The following ARHGEF28 variants were observed in gnomAD, a reference collection of about 807,000 sequenced individuals.
ARHGEF28 encodes the protein 190 kDa guanine nucleotide exchange factor.
In ARHGEF28, 152 loss-of-function variants were observed where a neutral mutation model predicts 206.6. The ratio of observed to expected loss-of-function variants is 0.74; its 90% confidence interval spans 0.64 to 0.84. ARHGEF28 has a LOEUF of 0.84. ARHGEF28 is among the 40% of genes least tolerant of loss of function. The pLI is 0.00. For synonymous variants in ARHGEF28, 763 were observed against 776.4 expected (o/e 0.98, Z 0.29); for missense variants, 2,028 against 2,073.2 (o/e 0.98, Z 0.42).
intron 35 of ARHGEF28, among the ~76,000 whole-genome samples, chr5:73,926,589 T>C (rs1763824768): frequency 6.6e-6 from 1 of 152,172 alleles, no homozygotes; most frequent in Admixed American, 6.5e-5. Context: ...CCCTTTGCAA[T>C]GGCCACAGAC....
chr5:73,926,410 A>G (rs759003414), intron 35 of ARHGEF28, among the ~76,000 whole-genome samples: 7 of 152,146 alleles, frequency 4.6e-5, no homozygotes, highest in Non-Finnish European at 8.8e-5. Context: ...GGTCCTGATC[A>G]CCAGTATAGC....
intron 4 of ARHGEF28, among the ~76,000 whole-genome samples, chr5:73,757,136 G>C (rs6880187): frequency 0.35 from 52,462 of 151,902 alleles, 10,200 homozygotes; most frequent in African/African-American, 0.53. Flanking sequence ...TGTGCTTATA[G>C]GTCTTTTTTA....
intron 9 of ARHGEF28, chr5:73,828,126 A>C (rs1236317026): frequency 6.6e-6 from 1 of 152,238 alleles, no homozygotes; most frequent in Non-Finnish European, 1.5e-5. Flanking sequence ...AACATGGTAG[A>C]GCAATTAGCC....
chr5:73,933,537 A>G (rs1764249971), intron 35 of ARHGEF28, among the ~76,000 whole-genome samples: 1 of 152,242 alleles, frequency 6.6e-6, no homozygotes, highest in African/African-American at 2.4e-5. Flanking sequence ...TATCAGATAT[A>G]TAGAAGCTAG....
chr5:73,640,517 A>AT (rs1744010069), intron 1 of ARHGEF28, among the ~76,000 whole-genome samples: 1 of 152,176 alleles, frequency 6.6e-6, no homozygotes, highest in Non-Finnish European at 1.5e-5. Flanking sequence ...AATGTTAACA[A>AT]TTTTTTAAAA....
At chr5:73,852,572 T>G in intron 13 of ARHGEF28, 78 bp from the exon 14 acceptor site, 25 of 1,229,828 alleles carry the variant, frequency 2.0e-5, no homozygotes, top group Non-Finnish European at 2.6e-5. Context: ...ACAATATGGT[T>G]GAGTATGCAT....
intron 2 of ARHGEF28, among the ~76,000 whole-genome samples, chr5:73,693,321 G>C (rs1301962836): frequency 6.6e-6 from 1 of 152,068 alleles, no homozygotes; most frequent in Non-Finnish European, 1.5e-5. Flanking sequence ...CATGAATGGG[G>C]CTCCTTCATG....
chr5:73,904,247 C>T lies in ARHGEF28; in HGVS notation c.4100C>T (p.Ser1367Phe), dbSNP rs1561501057. 1 of 1,613,734 alleles carries T rather than the reference C, an allele frequency of 6.2e-7. No homozygotes were observed. ...EKVECRNFPG[S>F]SQSEIIQAIQ... is the part of the protein sequence containing the mutation. ...GTGGAATGTAGAAATTTTCCAGGTT[C>T]TTCACAATCAGAGGTGAGCTGCTGC... Residue 1367 changes from serine to phenylalanine, a missense_variant, in exon 32 of 36, where the codon TCT becomes TTT. This residue lies in a region of ARHGEF28 where 803 missense variants were observed against 768.0 expected (regional missense o/e 1.05). Coordinates refer to ENST00000513042, the MANE Select transcript of ARHGEF28 (RefSeq NM_001177693.2).
At chr5:73,903,025 G>A (rs1762359453) in intron 31 of ARHGEF28, 1 of 152,186 alleles carries the variant, frequency 6.6e-6, no homozygotes, top group South Asian at 2.1e-4. Context: ...CAGATCTAAT[G>A]TCTTTAAGCT....
chr5:73,819,966 C>T (rs1580663426), intron 9 of ARHGEF28, among the ~76,000 whole-genome samples: 1 of 152,056 alleles, frequency 6.6e-6, no homozygotes, highest in East Asian at 1.9e-4. Context: ...TAGGAAAGGC[C>T]CTCTCGTTAC....
chr5:73,832,514 T>G (rs1757361449), intron 10 of ARHGEF28, 55 bp downstream of exon 10: 1 of 1,580,954 alleles, frequency 6.3e-7, no homozygotes, highest in Admixed American at 1.8e-5. Flanking sequence ...AAACCTGGGT[T>G]TGTAAGAAAT....
intron 11 of ARHGEF28, among the ~76,000 whole-genome samples, chr5:73,845,971 A>G (rs918718954): frequency 6.7e-6 from 1 of 148,262 alleles, no homozygotes; most frequent in Non-Finnish European, 1.5e-5. Context: ...CTAGGCAACA[A>G]GAACAAAACT....
Position 73,909,855 on chromosome 5 carries a change from G to T in ARHGEF28, c.4605G>T (p.Arg1535=). The T allele has an allele frequency of 6.5e-7, 1 of 1,537,758 alleles. No individual in the cohort carries two copies. The highest frequency in any genetic ancestry group is 8.7e-7 in the Non-Finnish European group (1 of 1,155,074). ...QSLLGHWKHG[R]QRSLPAVLLP... is the part of the protein sequence containing the mutation. ...TGCTGGGCCACTGGAAGCACGGCCG[G>T]CAGAGGAGCCTGCCCGCGGTGCTCC... Residue 1535 remains arginine, a synonymous_variant, in exon 34 of 36, where the codon CGG becomes CGT. Transcript: ENST00000513042.
At chr5:73,825,160 T>C (rs1756828689) in intron 9 of ARHGEF28, among the ~76,000 whole-genome samples, 1 of 152,206 alleles carries the variant, frequency 6.6e-6, no homozygotes, top group Non-Finnish European at 1.5e-5. Context: ...AGGAAACAGA[T>C]GACATACAAC....
rs1259851219 is a variant in ARHGEF28 at position 73,882,478 on chromosome 5, G to A, written c.2821G>A (p.Glu941Lys). ...TTAAATGTTATTCTTCCAGTTTTCA[G>A]AAGAAAATGCAAGTAAAATGAAGAA... Reference protein sequence around the residue: ...IGDILVQQFSEENASKMKKIY... With the variant: ...IGDILVQQFSKENASKMKKIY... The change falls in exon 23 of 36, where the codon GAA becomes AAA. Residue 941 changes from glutamate to lysine, a missense_variant. Physicochemically the swap from Glu to Lys is moderately conservative, Grantham distance 56. Transcript: ENST00000513042. The A allele has an allele frequency of 2.1e-6, 3 of 1,436,410 alleles. No homozygotes were observed. In the South Asian group the frequency reaches 4.3e-5, roughly 20 times the overall value. The allele number at this position is 1,436,410 out of a possible 1,614,324, so 89.0% of individuals were successfully genotyped here.
chr5:73,897,883 G>A lies in ARHGEF28; in HGVS notation c.3842-79G>A, dbSNP rs543911808. 4.1e-5 allele frequency: 60 copies of A among 1,450,276 alleles called. No individual in the cohort carries two copies. The African/African-American group carries it at 4.8e-4, about 12-fold the overall frequency. 89.8% of individuals were successfully genotyped at this position (1,450,276 alleles called of 1,614,324 possible). On this transcript the variant is annotated intron_variant, in intron 29 of 35. Coordinates refer to ENST00000513042, the MANE Select transcript of ARHGEF28 (RefSeq NM_001177693.2). ...ATAAAAACAGGGACAGGCCAAATGCGATTTGCCAATTCCTGGTCTAGATTA... is the reference window on the plus strand; with the variant it reads ...ATAAAAACAGGGACAGGCCAAATGCAATTTGCCAATTCCTGGTCTAGATTA...
At chr5:73,910,956 G>C (rs1419402902) in intron 34 of ARHGEF28, among the ~76,000 whole-genome samples, 1 of 152,124 alleles carries the variant, frequency 6.6e-6, no homozygotes, top group African/African-American at 2.4e-5. Context: ...TGTATATATG[G>C]ATATGTTTTC....
intron 2 of ARHGEF28, among the ~76,000 whole-genome samples, chr5:73,718,775 G>T (rs2112324796): frequency 6.6e-6 from 1 of 152,294 alleles, no homozygotes; most frequent in African/African-American, 2.4e-5. Context: ...TCACCAGGCT[G>T]AGCCTGTTGC....
At position 73,776,518 on chromosome 5, in the gene ARHGEF28, T is replaced by C. The variant is rs1753549869; in HGVS notation, c.662T>C (p.Phe221Ser). The C allele has an allele frequency of 1.9e-6, 3 of 1,609,958 alleles. No homozygotes were observed. The highest frequency in any genetic ancestry group is 2.5e-6 in the Non-Finnish European group (3 of 1,177,446). The part of the protein sequence containing the change: ...HSKLVEDVTN[F>S]QGRWSPSFSR... Reference sequence around the variant, plus strand: ...GGTTTTGATTTGTGTTGTTTCAGTTTTCAGGGCAGATGGTCCCCAAGCTTC... The same window carrying C: ...GGTTTTGATTTGTGTTGTTTCAGTTCTCAGGGCAGATGGTCCCCAAGCTTC... Residue 221 changes from phenylalanine to serine, a missense_variant and splice_region_variant, in exon 6 of 36, where the codon TTT becomes TCT. Physicochemically the swap from Phe to Ser is radical, Grantham distance 155 (BLOSUM62 -2). Transcript: ENST00000513042.
Sources: allele counts gnomAD v4.1 joint callset (sites outside exome capture counted in the v4.1 genomes callset), GRCh38; gene constraint gnomAD v4.1.1; regional missense constraint gnomAD v4.1.1; transcripts MANE v1.5; gene names NCBI Gene and HGNC (gene_info 2026-07-23, HGNC 2026-07-21).